Variants in CDH13 observed in about 807,000 individuals in gnomAD.
CDH13 encodes cadherin-13.
CDH13 carries 24 observed loss-of-function variants against 63.8 expected under a neutral mutation model. That is an observed-to-expected ratio of 0.38 (90% CI 0.27 to 0.53). The LOEUF (loss-of-function observed/expected upper bound fraction) is 0.53. Among genes scored for constraint, CDH13 ranks in the 20% least tolerant of loss-of-function variants. The probability of loss-of-function intolerance (pLI) is 0.85; values close to 1 mark genes in which losing one functional copy is unlikely to be tolerated. For missense variants in CDH13, 1,049 were observed against 903.1 expected, an observed-to-expected ratio of 1.16 and a Z score of -2.07; for synonymous variants, 503 against 355.3, an observed-to-expected ratio of 1.42 and a Z score of -4.67.
chr16:83,553,688 T>G (rs1235583179), intron 7 of CDH13, among the ~76,000 whole-genome samples: 1 of 152,122 alleles, frequency 6.6e-6, no homozygotes, highest in Non-Finnish European at 1.5e-5. Context: ...TCCCAAGTAG[T>G]TGGGATTACA....
At chr16:83,193,252 C>A (rs990403448) in intron 4 of CDH13, among the ~76,000 whole-genome samples, 2 of 151,610 alleles carry the variant, frequency 1.3e-5, no homozygotes, top group Non-Finnish European at 2.9e-5. Context: ...TGATATCATG[C>A]AAATCTTGGA....
chr16:83,249,283 C>A (rs541699665), intron 5 of CDH13, among the ~76,000 whole-genome samples: 1 of 152,158 alleles, frequency 6.6e-6, no homozygotes, highest in Non-Finnish European at 1.5e-5. Flanking sequence ...TTTCGTGAGA[C>A]CGTTGTTAAT....
At chr16:82,929,196 A>G (rs1271892403) in intron 2 of CDH13, among the ~76,000 whole-genome samples, 1 of 152,164 alleles carries the variant, frequency 6.6e-6, no homozygotes, top group Non-Finnish European at 1.5e-5. Context: ...TGCTCCCCAG[A>G]ATTCATATTT....
chr16:83,315,778 T>C (rs2090092839), intron 5 of CDH13, among the ~76,000 whole-genome samples: 1 of 152,184 alleles, frequency 6.6e-6, no homozygotes, highest in African/African-American at 2.4e-5. Context: ...ATCTAAATTA[T>C]TAGTGTGCTT....
intron 5 of CDH13, among the ~76,000 whole-genome samples, chr16:83,328,688 A>T (rs2090421637): frequency 6.6e-6 from 1 of 152,156 alleles, no homozygotes; most frequent in African/African-American, 2.4e-5. Context: ...TAGCTGATGG[A>T]AGCAGCTGAT....
chr16:83,736,152 G>C (rs1001732540), intron 10 of CDH13, among the ~76,000 whole-genome samples: 10 of 152,106 alleles, frequency 6.6e-5, no homozygotes, highest in Admixed American at 6.6e-5. Context: ...GATCAGACTT[G>C]ATCAGTCATT....
intron 4 of CDH13, chr16:83,181,146 A>G: frequency 1.2e-6 from 1 of 801,704 alleles, no homozygotes; most frequent in Non-Finnish European, 1.9e-6. Flanking sequence ...ACAGAGAGTC[A>G]GAAGTCATCA....
chr16:83,494,981 G>A (rs941549804), intron 7 of CDH13, among the ~76,000 whole-genome samples: 1 of 152,166 alleles, frequency 6.6e-6, no homozygotes, highest in Non-Finnish European at 1.5e-5. Flanking sequence ...TTGGAGGTCA[G>A]GAAACTTTTT....
chr16:82,990,233 C>T (rs1911492392), intron 2 of CDH13: 2 of 152,192 alleles, frequency 1.3e-5, no homozygotes, highest in South Asian at 4.1e-4. Context: ...AATGGATAGC[C>T]TCTTGTTCTG....
intron 6 of CDH13, chr16:83,397,588 A>G (rs1247328528): frequency 6.6e-6 from 1 of 152,222 alleles, no homozygotes; most frequent in East Asian, 1.9e-4. Flanking sequence ...GCTGGTGTTG[A>G]TCTGATATCA....
intron 5 of CDH13, among the ~76,000 whole-genome samples, chr16:83,331,833 A>G (rs898781310): frequency 3.3e-5 from 5 of 152,186 alleles, no homozygotes; most frequent in Admixed American, 1.3e-4. Context: ...TGCAGATACC[A>G]TAGTTTCTTT....
Position 83,739,603 on chromosome 16 carries a change from A to T in CDH13, c.1539-8505A>T, listed in dbSNP as rs905786569. Among the ~76,000 whole-genome samples the T allele has an allele frequency of 2.0e-5, 3 of 152,212 alleles. No homozygotes were observed. In the South Asian group the frequency reaches 6.2e-4, roughly 31 times the overall value. ...AGCCCCCTTTGACAGCATGTATCAGATCCAAGGCAACTAAAGGGATGGGAA... is the reference window on the plus strand; with the variant it reads ...AGCCCCCTTTGACAGCATGTATCAGTTCCAAGGCAACTAAAGGGATGGGAA... On this transcript the variant is annotated intron_variant, in intron 10 of 13. Coordinates refer to ENST00000567109, the MANE Select transcript of CDH13 (RefSeq NM_001257.5).
intron 2 of CDH13, among the ~76,000 whole-genome samples, chr16:82,909,893 A>G (rs2041774353): frequency 6.6e-6 from 1 of 152,186 alleles, no homozygotes; most frequent in Non-Finnish European, 1.5e-5. Context: ...CATGTGGTGG[A>G]CATTTTTCAT....
intron 2 of CDH13, among the ~76,000 whole-genome samples, chr16:82,877,809 TAAA>T (rs1567623242): frequency 2.9e-5 from 4 of 137,788 alleles, no homozygotes; most frequent in South Asian, 2.2e-4. Context: ...TTTTTTTTTT[TAAA>T]TTTCCAGTAG....
At chr16:83,056,639 T>A (rs1039977096) in intron 3 of CDH13, among the ~76,000 whole-genome samples, 11 of 152,200 alleles carry the variant, frequency 7.2e-5, no homozygotes, top group African/African-American at 2.2e-4. Context: ...TAATCTATAT[T>A]GAGCCAGGAT....
chr16:83,659,785 C>CTTTTT lies in CDH13; in HGVS notation c.1102-10990_1102-10986dup, dbSNP rs35285231. Among the ~76,000 whole-genome samples, 8 of 122,924 alleles carry CTTTTT rather than the reference C, an allele frequency of 6.5e-5. No homozygotes were observed. The South Asian group carries it at 1.7e-3, about 26-fold the overall frequency. 80.6% of individuals were successfully genotyped at this position (122,924 alleles called of 152,430 possible). A position where few individuals can be genotyped will look rare whatever the true frequency, so the allele number is the denominator to read the frequency against. On this transcript the variant is annotated intron_variant, in intron 8 of 13. Transcript: ENST00000567109. Reference sequence around the variant, plus strand: ...ATGAGTTAGAGCAGCAGTCCACAACCTTTTTTTTTTTTTTTTTTTGAGATG... The same window carrying CTTTTT: ...ATGAGTTAGAGCAGCAGTCCACAACCTTTTTTTTTTTTTTTTTTTTTTTTGAGATG...
chr16:83,381,198 C>G (rs537998223), intron 6 of CDH13, among the ~76,000 whole-genome samples: 1 of 152,196 alleles, frequency 6.6e-6, no homozygotes, highest in South Asian at 2.1e-4. Flanking sequence ...AGCAAATGTA[C>G]CTTTTTCTAA....
At position 83,571,747 on chromosome 16, in the gene CDH13, G is replaced by T. The variant is rs111954952; in HGVS notation, c.961-30707G>T. Among the ~76,000 whole-genome samples the T allele has an allele frequency of 5.9e-5, 9 of 152,164 alleles. 1 individual carries two copies. The highest frequency in any genetic ancestry group is 2.2e-4 in the African/African-American group (9 of 41,522). On this transcript the variant is annotated intron_variant, in intron 7 of 13. Coordinates refer to ENST00000567109, the MANE Select transcript of CDH13 (RefSeq NM_001257.5). ...TCACCCCTCAATTACTCCCTCTCTT[G>T]TATTCCCAAACTGCATTTTCTTTTC... is the stretch of plus-strand genomic sequence containing the variant.
rs563059595 is a variant in CDH13 at position 83,408,656 on chromosome 16, A to T, written c.781+63650A>T. On this transcript the variant is annotated intron_variant, in intron 6 of 13. Transcript: ENST00000567109. ...GCCCATCATTGACTGATATATTGTT[A>T]TCCAGCAATGACTGTACTTAAGTAA... is the stretch of plus-strand genomic sequence containing the variant. Among the ~76,000 whole-genome samples, 9 of 152,362 alleles carry T rather than the reference A, an allele frequency of 5.9e-5. No individual in the cohort carries two copies. In the South Asian group the frequency reaches 1.4e-3, roughly 25 times the overall value.
Sources: gnomAD v4.1 joint callset for allele counts (sites outside exome capture counted in the v4.1 genomes callset) on GRCh38, gnomAD v4.1.1 for gene constraint, MANE v1.5 for transcripts, NCBI Gene and HGNC (gene_info 2026-07-23, HGNC 2026-07-21) for gene names.